CCZ1: variants seen among roughly 807,000 people sequenced by gnomAD.
CCZ1 encodes vacuolar fusion protein CCZ1 homolog.
A neutral mutation model predicts 57.8 loss-of-function variants in CCZ1; 19 were observed. The observed-to-expected ratio is 0.33, with a 90% confidence interval of 0.23 to 0.48. CCZ1 has a LOEUF of 0.48. Ranked by LOEUF, CCZ1 falls within the 20% of genes least tolerant of loss-of-function variation. The pLI is 0.99. For synonymous variants in CCZ1, 81 were observed against 167.0 expected (o/e 0.49, Z 3.97); for missense variants, 200 against 492.0 (o/e 0.41, Z 5.61).
intron 10 of CCZ1, among the ~76,000 whole-genome samples, chr7:5,914,578 CAAAA>C (rs1171940934): frequency 3.3e-5 from 4 of 122,636 alleles, no homozygotes; most frequent in Non-Finnish European, 7.7e-5. Context: ...ACAGATAAGA[CAAAA>C]GAAAGACATT....
At chr7:5,919,013 GGA>G (rs2128614526) in intron 11 of CCZ1, 113 bp downstream of exon 11, 1 of 1,137,950 alleles carries the variant, frequency 8.8e-7, no homozygotes, top group Non-Finnish European at 1.2e-6. Context: ...TTTTTTTGTT[GGA>G]GACGGGGTTT....
chr7:5,918,087 C>T (rs1583190926), intron 10 of CCZ1: 1 of 106,710 alleles, frequency 9.4e-6, no homozygotes, highest in Non-Finnish European at 1.9e-5. Flanking sequence ...AGGGGGAAGG[C>T]AGACGAGGGG....
Position 5,923,212 on chromosome 7 carries a change from G to T in CCZ1, c.1107-175G>T, listed in dbSNP as rs1779283897. On this transcript the variant is annotated intron_variant, in intron 12 of 14. Transcript: ENST00000325974. The stretch of plus-strand genomic sequence containing the variant: ...GGCGCCTGTAATCCCAGCTACTCAG[G>T]AGGCTGAGGCAGGAGAATCGCTTGA... 7.7e-5 allele frequency among the ~76,000 whole-genome samples: 6 copies of T among 78,368 alleles called. No homozygotes were observed. The South Asian group carries it at 2.3e-3, about 30-fold the overall frequency. The allele number at this position is 78,368 out of a possible 152,430, so 51.4% of individuals were successfully genotyped here.
At chr7:5,908,221 TGGG>T (rs1375036068) in intron 7 of CCZ1, among the ~76,000 whole-genome samples, 34 of 142,318 alleles carry the variant, frequency 2.4e-4, no homozygotes, top group African/African-American at 8.8e-4. Context: ...TCCCAGCTAC[TGGG>T]GAGGAGGAGG....
intron 7 of CCZ1, 147 bp downstream of exon 7, chr7:5,905,416 C>T (rs1242257205): frequency 3.4e-6 from 2 of 582,890 alleles, no homozygotes; most frequent in Non-Finnish European, 5.9e-6. Flanking sequence ...CAAAATAAAG[C>T]AGTGATTATT....
rs1019346622 is a variant in CCZ1, at chr7:5,903,729, T to G, written c.522+985T>G. Among the ~76,000 whole-genome samples, 10 of 147,648 alleles carry G rather than the reference T, an allele frequency of 6.8e-5. 2 individuals are homozygous for G. Among genetic ancestry groups the G allele is most frequent in the African/African-American group, 2.6e-4 (10 of 39,118 alleles). On this transcript the variant is annotated intron_variant, in intron 6 of 14. Transcript: ENST00000325974. ...GCACTCTTGGCTGGGTGTGGTGGCTTACGCCTGTGATCCCACCACTTTGGG... is the reference window on the plus strand; with the variant it reads ...GCACTCTTGGCTGGGTGTGGTGGCTGACGCCTGTGATCCCACCACTTTGGG...
intron 10 of CCZ1, among the ~76,000 whole-genome samples, chr7:5,915,231 G>A (rs1779125962): frequency 1.3e-5 from 2 of 149,674 alleles, no homozygotes; most frequent in South Asian, 4.2e-4. Flanking sequence ...GGGAAGGGGA[G>A]ATTGCAGGAA....
Position 5,912,733 on chromosome 7 carries a change from C to G in CCZ1, c.843-110C>G, listed in dbSNP as rs2528332. On this transcript the variant is annotated intron_variant, in intron 9 of 14. Coordinates refer to ENST00000325974, the MANE Select transcript of CCZ1 (RefSeq NM_015622.6). Reference sequence around the variant, plus strand: ...CTGATATGGTGTTTGCCAAATAGCACCTGGCATCAAAAGCAACTGGTGTGT... The same window carrying G: ...CTGATATGGTGTTTGCCAAATAGCAGCTGGCATCAAAAGCAACTGGTGTGT... 1.3e-3 allele frequency: 1,551 copies of G among 1,240,522 alleles called. 11 individuals carry two copies. The highest frequency in any genetic ancestry group is 7.2e-3 in the East Asian group (304 of 42,484). 76.8% of individuals were successfully genotyped at this position (1,240,522 alleles called of 1,614,324 possible).
chr7:5,899,337 GT>G (rs1781627234), intron 1 of CCZ1, among the ~76,000 whole-genome samples: 8 of 914 alleles, frequency 8.8e-3, no homozygotes, highest in South Asian at 0.036. Flanking sequence ...GGAGGGGGGT[GT>G]GTGTGTGTGT....
At chr7:5,910,710 A>AT (rs111250397) in intron 8 of CCZ1, among the ~76,000 whole-genome samples, 41,960 of 98,874 alleles carry the variant, frequency 0.42, 7,238 homozygotes, top group Middle Eastern at 0.59. Context: ...ATTTTATTTT[A>AT]TTTATTTATT....
At chr7:5,904,691 C>T (rs1229301888) in intron 6 of CCZ1, among the ~76,000 whole-genome samples, 12 of 147,128 alleles carry the variant, frequency 8.2e-5, no homozygotes, top group South Asian at 4.5e-4. Context: ...AATAGCTGGG[C>T]ATGGTGGCAG....
At chr7:5,921,493 AG>A (rs2128615237) in intron 12 of CCZ1, among the ~76,000 whole-genome samples, 1 of 30,754 alleles carries the variant, frequency 3.3e-5, no homozygotes, top group East Asian at 5.0e-4. Flanking sequence ...CAGCCTCCCG[AG>A]TAGCTGGGAC....
intron 7 of CCZ1, among the ~76,000 whole-genome samples, chr7:5,906,861 C>A (rs1781840032): frequency 6.9e-6 from 1 of 145,198 alleles, no homozygotes. Flanking sequence ...TCGGGTGAAA[C>A]CCATCTACTT....
intron 7 of CCZ1, among the ~76,000 whole-genome samples, chr7:5,906,878 T>C (rs1327415477): frequency 6.6e-6 from 1 of 150,876 alleles, no homozygotes; most frequent in Admixed American, 6.6e-5. Context: ...ACTTTTTTTT[T>C]TGTTTTTGAG....
chr7:5,915,292 G>A (rs1334243123), intron 10 of CCZ1, among the ~76,000 whole-genome samples: 541 of 148,162 alleles, frequency 3.7e-3, no homozygotes, highest in African/African-American at 0.013. Flanking sequence ...TGTTGGAGGT[G>A]TAATTCAGAG....
In CCZ1 at chr7:5,900,844, A is replaced by T; in HGVS notation, c.313-11A>T. On this transcript the variant is annotated splice_polypyrimidine_tract_variant and intron_variant, in intron 3 of 14. Transcript: ENST00000325974. ...ATTCATTGTATAATTTCAGTTTATCAAACTTTGTAGGTTGTTCGGAATCCT... is the reference window on the plus strand; with the variant it reads ...ATTCATTGTATAATTTCAGTTTATCTAACTTTGTAGGTTGTTCGGAATCCT... The T allele has an allele frequency of 3.1e-6, 4 of 1,307,142 alleles. No individual in the cohort carries two copies. Among genetic ancestry groups the T allele is most frequent in the Non-Finnish European group, 4.2e-6 (4 of 952,984 alleles). 81.0% of individuals were successfully genotyped at this position (1,307,142 alleles called of 1,614,324 possible). A position where few individuals can be genotyped will look rare whatever the true frequency, so the allele number is the denominator to read the frequency against.
intron 10 of CCZ1, among the ~76,000 whole-genome samples, chr7:5,914,832 C>CCACTGTGCTCAT (rs1779117839): frequency 3.6e-5 from 5 of 139,212 alleles, no homozygotes; most frequent in Admixed American, 2.8e-4. Context: ...GCTGAGCTTA[C>CCACTGTGCTCAT]GCCACTGTGC....
At chr7:5,907,960 G>T (rs1214464531) in intron 7 of CCZ1, among the ~76,000 whole-genome samples, 1 of 145,008 alleles carries the variant, frequency 6.9e-6, no homozygotes, top group East Asian at 2.4e-4. Flanking sequence ...AAAATAGCTG[G>T]GCATTGTGGT....
In CCZ1 at chr7:5,903,759, C is replaced by A. The variant is rs191284133; in HGVS notation, c.522+1015C>A. Among the ~76,000 whole-genome samples the A allele has an allele frequency of 4.7e-5, 7 of 147,528 alleles. No homozygotes were observed. In the South Asian group the frequency reaches 1.6e-3, roughly 33 times the overall value. On this transcript the variant is annotated intron_variant, in intron 6 of 14. Transcript: ENST00000325974. ...CTGTGATCCCACCACTTTGGGAGGC[C>A]GATGCGGGCAGATCTTGAGGTCATG...
Sources: gnomAD v4.1 joint callset for allele counts (sites outside exome capture counted in the v4.1 genomes callset) on GRCh38, gnomAD v4.1.1 for gene constraint, MANE v1.5 for transcripts, NCBI Gene and HGNC (gene_info 2026-07-23, HGNC 2026-07-21) for gene names.